The following TIAM1 variants were observed in gnomAD, a reference collection of about 807,000 sequenced individuals.
TIAM1 encodes TIAM Rac1 associated GEF 1, also known as rho guanine nucleotide exchange factor TIAM1.
Under a neutral mutation model 163.5 loss-of-function variants are expected in TIAM1, and 65 were observed. The observed-to-expected ratio is 0.40, with a 90% CI of 0.33 to 0.49. The LOEUF (loss-of-function observed/expected upper bound fraction) is 0.49, where lower values mean the gene tolerates loss of function less well. Ranked by LOEUF, TIAM1 falls within the 20% of genes least tolerant of loss-of-function variation. The pLI is 0.77. For missense variants in TIAM1, 1,789 were observed against 2,044.7 expected (o/e 0.87, Z 2.41); for synonymous variants, 833 against 810.1 (o/e 1.03, Z -0.48).
At chr21:31,498,817 G>C (rs926437759) in intron 1 of TIAM1, among the ~76,000 whole-genome samples, 2 of 152,024 alleles carry the variant, frequency 1.3e-5, no homozygotes, top group African/African-American at 4.8e-5. Flanking sequence ...GTGATGGCGG[G>C]TGCCTGGAAT....
At chr21:31,370,592 A>G (rs900978710) in intron 2 of TIAM1, among the ~76,000 whole-genome samples, 4 of 152,106 alleles carry the variant, frequency 2.6e-5, no homozygotes, top group Non-Finnish European at 5.9e-5. Context: ...GTGGGGGTTT[A>G]TATACTATCC....
chr21:31,405,483 T>C (rs2077231552), intron 2 of TIAM1, among the ~76,000 whole-genome samples: 1 of 152,082 alleles, frequency 6.6e-6, no homozygotes, highest in Admixed American at 6.6e-5. Flanking sequence ...ATTAGTCCAC[T>C]TTCACACTGC....
chr21:31,361,670 T>C (rs1176456265), intron 2 of TIAM1, among the ~76,000 whole-genome samples: 2 of 152,230 alleles, frequency 1.3e-5, no homozygotes, highest in African/African-American at 4.8e-5. Context: ...TAAAATCTTG[T>C]ATAAATATCA....
intron 2 of TIAM1, among the ~76,000 whole-genome samples, chr21:31,278,759 C>A (rs2073414715): frequency 6.6e-6 from 1 of 152,090 alleles, no homozygotes; most frequent in Non-Finnish European, 1.5e-5. Flanking sequence ...CCATTATTAC[C>A]CCACAATATA....
At chr21:31,539,488 A>G (rs1056802847) in intron 1 of TIAM1, among the ~76,000 whole-genome samples, 8 of 151,698 alleles carry the variant, frequency 5.3e-5, no homozygotes, top group African/African-American at 1.9e-4. Context: ...GATGGTCTTG[A>G]TCTCCTGACC....
At chr21:31,327,843 A>G (rs2147054491) in intron 2 of TIAM1, among the ~76,000 whole-genome samples, 1 of 152,148 alleles carries the variant, frequency 6.6e-6, no homozygotes, top group Non-Finnish European at 1.5e-5. Flanking sequence ...AATGGTGCGT[A>G]GTCTCCTCCC....
intron 1 of TIAM1, among the ~76,000 whole-genome samples, chr21:31,493,021 A>G (rs2046524474): frequency 6.6e-6 from 1 of 152,072 alleles, no homozygotes; most frequent in South Asian, 2.1e-4. Context: ...GATGATGAGT[A>G]TCTGTATGTT....
At chr21:31,385,656 T>C (rs1267290492) in intron 2 of TIAM1, among the ~76,000 whole-genome samples, 1 of 150,822 alleles carries the variant, frequency 6.6e-6, no homozygotes, top group Non-Finnish European at 1.5e-5. Flanking sequence ...GGGTAATGTA[T>C]ATTCCTCACC....
chr21:31,378,064 A>C (rs573546017), intron 2 of TIAM1, among the ~76,000 whole-genome samples: 6 of 138,916 alleles, frequency 4.3e-5, no homozygotes, highest in African/African-American at 1.6e-4. Flanking sequence ...TGAACCTGGG[A>C]GGTGGAGGTT....
At chr21:31,434,781 G>A (rs568059081) in intron 2 of TIAM1, among the ~76,000 whole-genome samples, 13 of 152,322 alleles carry the variant, frequency 8.5e-5, no homozygotes, top group Non-Finnish European at 1.6e-4. Flanking sequence ...CCAGAGTGAA[G>A]CACTACTACA....
At chr21:31,244,652 G>A (rs553797790) in intron 6 of TIAM1, among the ~76,000 whole-genome samples, 2 of 152,322 alleles carry the variant, frequency 1.3e-5, no homozygotes, top group Admixed American at 6.5e-5. Context: ...TTGAACCTGG[G>A]AGGCAGAGAT....
At chr21:31,469,150 A>G (rs1366661815) in intron 1 of TIAM1, among the ~76,000 whole-genome samples, 4 of 143,214 alleles carry the variant, frequency 2.8e-5, no homozygotes, top group Non-Finnish European at 6.0e-5. Flanking sequence ...TGGCACGATC[A>G]TAGTTCACTG....
chr21:31,182,796 G>A, intron 14 of TIAM1, 151 bp from the exon 15 acceptor site: 1 of 708,852 alleles, frequency 1.4e-6, no homozygotes, highest in Non-Finnish European at 2.2e-6. Context: ...GTGATCCTCA[G>A]GAGAGGACAG....
chr21:31,137,346 T>G (rs2146260611), intron 22 of TIAM1, among the ~76,000 whole-genome samples: 1 of 152,334 alleles, frequency 6.6e-6, no homozygotes, highest in Non-Finnish European at 1.5e-5. Flanking sequence ...TAAGCTATAG[T>G]ACCATTAGTA....
At chr21:31,496,459 C>CAA (rs58140674) in intron 1 of TIAM1, among the ~76,000 whole-genome samples, 97 of 87,660 alleles carry the variant, frequency 1.1e-3, no homozygotes, top group Middle Eastern at 5.7e-3. Flanking sequence ...AACTCTGTCT[C>CAA]AAAAAAAAAA....
At chr21:31,411,473 T>G (rs2077356736) in intron 2 of TIAM1, among the ~76,000 whole-genome samples, 1 of 19,542 alleles carries the variant, frequency 5.1e-5, no homozygotes, top group Non-Finnish European at 1.6e-4. Context: ...CCAAGAAACT[T>G]TTTTTTTTTT....
intron 3 of TIAM1, among the ~76,000 whole-genome samples, chr21:31,274,005 T>A (rs1477457950): frequency 6.6e-6 from 1 of 152,080 alleles, no homozygotes; most frequent in African/African-American, 2.4e-5. Context: ...TCACTTGAGG[T>A]CAGGAGTTCG....
chr21:31,158,979 A>G (rs1036266300), intron 16 of TIAM1, among the ~76,000 whole-genome samples: 13 of 152,210 alleles, frequency 8.5e-5, no homozygotes, highest in African/African-American at 3.1e-4. Flanking sequence ...GGTCGCCTCA[A>G]TGGGAGCTTC....
intron 6 of TIAM1, among the ~76,000 whole-genome samples, chr21:31,242,880 GAA>G (rs2071268068): frequency 8.3e-6 from 1 of 121,124 alleles, no homozygotes; most frequent in African/African-American, 2.8e-5. Flanking sequence ...AAAAAAAAAA[GAA>G]AAAAGAAAAG....
Sources: gnomAD v4.1 joint callset for allele counts (sites outside exome capture counted in the v4.1 genomes callset) on GRCh38, gnomAD v4.1.1 for gene constraint, MANE v1.5 for transcripts, NCBI Gene and HGNC (gene_info 2026-07-23, HGNC 2026-07-21) for gene names.